The following FAAP20 variants were observed in gnomAD, a reference collection of about 807,000 sequenced individuals.
The protein encoded by FAAP20 is Fanconi anemia core complex-associated protein 20.
Under a neutral mutation model 16.2 loss-of-function variants are expected in FAAP20, and 12 were observed. The observed-to-expected ratio is 0.74, with a 90% CI of 0.48 to 1.20. The LOEUF (loss-of-function observed/expected upper bound fraction) is 1.20. Ranked by LOEUF, FAAP20 falls within the 50% of genes most tolerant of loss-of-function variation. The pLI is 0.00. For synonymous variants in FAAP20, 141 were observed against 110.7 expected (o/e 1.27, Z -1.72); for missense variants, 288 against 245.8 (o/e 1.17, Z -1.15).
At chr1:2,206,474 A>C (rs1021936103) in intron 2 of FAAP20, 1 of 152,294 alleles carries the variant, frequency 6.6e-6, no homozygotes, top group African/African-American at 2.4e-5. Flanking sequence ...AAACAGTTGC[A>C]GGGATCCCAG....
At chr1:2,201,223 C>T, upstream of FAAP20, 2 of 1,205,670 alleles carry the variant, frequency 1.7e-6, no homozygotes, top group Non-Finnish European at 2.1e-6. Context: ...TCCCTCGCTG[C>T]CCCTGTGTTG....
upstream of FAAP20, chr1:2,199,580 CCCT>C (rs1346979392): frequency 2.0e-5 from 20 of 985,770 alleles, no homozygotes; most frequent in East Asian, 1.6e-3. The surrounding 1 kb of genome is among the most constrained non-coding windows in gnomAD (Gnocchi z 4.5). Context: ...CTCAGGGCAC[CCCT>C]CCTCTGGGGA....
upstream of FAAP20, chr1:2,200,349 C>G (rs1233947464): frequency 6.7e-6 from 1 of 148,226 alleles, no homozygotes; most frequent in Non-Finnish European, 1.5e-5. Flanking sequence ...AGGCCGAGAT[C>G]GTGCTGTTGC....
At chr1:2,195,413 C>T (rs1034167194), upstream of FAAP20, among the ~76,000 whole-genome samples, 10 of 152,224 alleles carry the variant, frequency 6.6e-5, no homozygotes, top group Non-Finnish European at 1.2e-4. Flanking sequence ...CCCAGTGCCC[C>T]ATGGGCCCAG....
At chr1:2,185,383 C>A (rs752679845), downstream of FAAP20, 1 of 718,676 alleles carries the variant, frequency 1.4e-6, no homozygotes, top group African/African-American at 1.7e-5. Flanking sequence ...TAAAATGTTC[C>A]GATGATGTGG....
chr1:2,208,591 C>CA (rs1689351308), downstream of FAAP20, among the ~76,000 whole-genome samples: 1 of 152,176 alleles, frequency 6.6e-6, no homozygotes, highest in African/African-American at 2.4e-5. Flanking sequence ...CAGGTGGCCC[C>CA]AGCACCCTGA....
chr1:2,194,970 G>C (rs1688744157), upstream of FAAP20, among the ~76,000 whole-genome samples: 2 of 151,836 alleles, frequency 1.3e-5, no homozygotes, highest in Non-Finnish European at 2.9e-5. Flanking sequence ...GGGGGCCCAG[G>C]TGGGGGAGCC....
chr1:2,194,230 T>TGGGGGGTACTA, intron 1 of FAAP20, 97 bp from the exon 2 acceptor site: 1 of 1,395,734 alleles, frequency 7.2e-7, no homozygotes, highest in Non-Finnish European at 9.4e-7. Flanking sequence ...AGCGGGGAGA[T>TGGGGGGTACTA]GGGGGGTACT....
upstream of FAAP20, chr1:2,203,306 C>T (rs1007336709): frequency 1.6e-5 from 10 of 625,554 alleles, no homozygotes; most frequent in South Asian, 1.4e-4. Flanking sequence ...TCCCTTCTGC[C>T]GCCTTCTTCC....
At chr1:2,191,801 C>T (rs1308177146) in intron 3 of FAAP20, 3 of 981,602 alleles carry the variant, frequency 3.1e-6, no homozygotes, top group African/African-American at 1.8e-5. Flanking sequence ...AGAGACAAAA[C>T]GCAGCTCTGG....
chr1:2,192,049 C>T (rs1688289473), intron 3 of FAAP20: 1 of 985,598 alleles, frequency 1.0e-6, no homozygotes. Context: ...AGACCCGCCT[C>T]TGCCAGGGCT....
downstream of FAAP20, among the ~76,000 whole-genome samples, chr1:2,210,607 T>C (rs1483363188): frequency 5.9e-5 from 9 of 152,166 alleles, no homozygotes; most frequent in Non-Finnish European, 1.2e-4. Flanking sequence ...CCTCCTGCCC[T>C]CCGGGGGCTG....
In FAAP20 at chr1:2,193,041, C is replaced by T. The variant is rs1349933602; in HGVS notation, c.470+598G>A. The T allele has an allele frequency of 3.1e-6, 4 of 1,288,358 alleles. No homozygotes were observed. The East Asian group carries it at 1.7e-4, about 54-fold the overall frequency. 79.8% of individuals were successfully genotyped at this position (1,288,358 alleles called of 1,614,324 possible). On this transcript the variant is annotated intron_variant, in intron 3 of 3. Coordinates refer to ENST00000378546, the MANE Select transcript of FAAP20 (RefSeq NM_182533.4). ...TCTCCATAAGCTCTGAAACCTGCCGCCCATTAACTCAACCAAAAGTTACGA... is the reference window on the plus strand; with the variant it reads ...TCTCCATAAGCTCTGAAACCTGCCGTCCATTAACTCAACCAAAAGTTACGA...
upstream of FAAP20, among the ~76,000 whole-genome samples, chr1:2,202,365 G>T (rs894872796): frequency 3.3e-5 from 5 of 152,198 alleles, no homozygotes; most frequent in Non-Finnish European, 7.3e-5. Flanking sequence ...TAGAGACAGG[G>T]TCTTGCACTG....
Position 2,193,816 on chromosome 1 carries a change from C to T in FAAP20, c.293G>A (p.Gly98Asp). The change falls in exon 3 of 4, where the codon GGC becomes GAC. Residue 98 changes from glycine (G) to aspartate (D), a missense_variant. By Grantham distance (94) the Gly-to-Asp change is moderately conservative. Coordinates refer to ENST00000378546, the MANE Select transcript of FAAP20 (RefSeq NM_182533.4). ...TPFPPDLWGP[G>D]RSYRLLHGAG... ...CCCGTGAAGCAGCCGGTAGGAACGG[C>T]CCGGGCCCCACAGGTCCGGCGGAAA... The T allele has an allele frequency of 3.1e-6, 5 of 1,609,886 alleles. No homozygotes were observed. The highest frequency in any genetic ancestry group is 4.2e-6 in the Non-Finnish European group (5 of 1,179,072).
downstream of FAAP20, among the ~76,000 whole-genome samples, chr1:2,209,549 C>T (rs1438688743): frequency 6.6e-6 from 1 of 152,254 alleles, no homozygotes; most frequent in Non-Finnish European, 1.5e-5. Flanking sequence ...GCCCCCTGGC[C>T]TGCACCCGGA....
At chr1:2,206,214 G>A (rs571553201) in intron 3 of FAAP20, 1 of 152,432 alleles carries the variant, frequency 6.6e-6, no homozygotes, top group African/African-American at 2.4e-5. Context: ...GAGGCTACAG[G>A]AATCTGCCAT....
At chr1:2,202,947 T>C (rs936320704), upstream of FAAP20, among the ~76,000 whole-genome samples, 4 of 152,176 alleles carry the variant, frequency 2.6e-5, no homozygotes, top group African/African-American at 9.7e-5. Flanking sequence ...ATGTCTGACA[T>C]GAAGCTCCAT....
chr1:2,189,603 G>A lies in FAAP20; in HGVS notation c.*106C>T, dbSNP rs548206874. ...CCGCCCTGCTTTAATGCGCATGCGGGGGAGCCGAGAGGCGGGGCTGCTGGC... is the reference window on the plus strand; with the variant it reads ...CCGCCCTGCTTTAATGCGCATGCGGAGGAGCCGAGAGGCGGGGCTGCTGGC... On this transcript the variant is annotated 3_prime_UTR_variant, in exon 4 of 4. Transcript: ENST00000378546. 3.6e-6 allele frequency: 3 copies of A among 823,626 alleles called. No individual in the cohort carries two copies. Among genetic ancestry groups the A allele is most frequent in the South Asian group, 2.8e-5 (2 of 70,604 alleles). The allele number at this position is 823,626 out of a possible 1,614,324, so 51.0% of individuals were successfully genotyped here. A position where few individuals can be genotyped will look rare whatever the true frequency, so the allele number is the denominator to read the frequency against.
Sources: gnomAD v4.1 joint callset for allele counts (sites outside exome capture counted in the v4.1 genomes callset) on GRCh38, gnomAD v4.1.1 for gene constraint, Gnocchi (gnomAD v3.1) non-coding constraint, MANE v1.5 for transcripts, NCBI Gene and HGNC (gene_info 2026-07-23, HGNC 2026-07-21) for gene names.